RALGPS1: variants seen among roughly 807,000 people sequenced by gnomAD.
RALGPS1 encodes ras-specific guanine nucleotide-releasing factor RalGPS1.
RALGPS1 carries 19 observed loss-of-function variants against 78.8 expected under a neutral mutation model. The ratio of observed to expected loss-of-function variants is 0.24; its 90% confidence interval spans 0.17 to 0.35. The LOEUF (loss-of-function observed/expected upper bound fraction) is 0.35, where lower values mean the gene tolerates loss of function less well. Ranked by LOEUF, RALGPS1 falls within the 10% of genes least tolerant of loss-of-function variation. The probability of loss-of-function intolerance (pLI) is 1.00; values close to 1 mark genes in which losing one functional copy is unlikely to be tolerated. For missense variants in RALGPS1, 454 were observed against 688.3 expected (o/e 0.66, Z 3.81); for synonymous variants, 228 against 256.3 (o/e 0.89, Z 1.06).
chr9:127,142,805 A>G lies in RALGPS1; in HGVS notation c.611-23264A>G, dbSNP rs116174099. On this transcript the variant is annotated intron_variant, in intron 8 of 18. Coordinates refer to ENST00000259351, the MANE Select transcript of RALGPS1 (RefSeq NM_014636.3). ...CATTATACACAAATGTATACAAATT[A>G]TATACATTTGTGTGTGTATGTATGT... Among the ~76,000 whole-genome samples, 648 of 152,350 alleles carry G rather than the reference A, an allele frequency of 4.3e-3. 7 individuals are homozygous for G. The highest frequency in any genetic ancestry group is 0.015 in the African/African-American group (624 of 41,586).
chr9:127,180,572 G>A (rs2060149032), intron 11 of RALGPS1, among the ~76,000 whole-genome samples: 1 of 152,244 alleles, frequency 6.6e-6, no homozygotes, highest in Admixed American at 6.5e-5. Context: ...CTCTGGGGAA[G>A]TCCCCTTAGT....
At chr9:127,199,939 C>T (rs2061542335) in intron 14 of RALGPS1, among the ~76,000 whole-genome samples, 1 of 152,138 alleles carries the variant, frequency 6.6e-6, no homozygotes, top group African/African-American at 2.4e-5. Flanking sequence ...CATATACACA[C>T]ATGCCCTACA....
intron 4 of RALGPS1, among the ~76,000 whole-genome samples, chr9:126,999,206 T>A (rs1283148031): frequency 6.6e-6 from 1 of 152,050 alleles, no homozygotes; most frequent in African/African-American, 2.4e-5. Context: ...CTAGCAAAAT[T>A]GAACAGAAAG....
intron 1 of RALGPS1, among the ~76,000 whole-genome samples, chr9:126,919,232 T>C (rs2034504382): frequency 6.6e-6 from 1 of 152,192 alleles, no homozygotes; most frequent in African/African-American, 2.4e-5. Flanking sequence ...TTAATAAATG[T>C]TTTTGACTGA....
chr9:127,116,471 C>A (rs1314912230), intron 8 of RALGPS1, among the ~76,000 whole-genome samples: 1 of 152,166 alleles, frequency 6.6e-6, no homozygotes, highest in East Asian at 1.9e-4. Flanking sequence ...GGAGCCTTGG[C>A]CAACAGAGCA....
intron 8 of RALGPS1, among the ~76,000 whole-genome samples, chr9:127,160,434 G>C (rs1446158629): frequency 6.6e-6 from 1 of 152,172 alleles, no homozygotes; most frequent in African/African-American, 2.4e-5. Flanking sequence ...CTGGCCCTGG[G>C]GGTTTGCCTC....
At chr9:126,998,490 T>C (rs575284917) in intron 4 of RALGPS1, among the ~76,000 whole-genome samples, 6 of 152,276 alleles carry the variant, frequency 3.9e-5, no homozygotes, top group Non-Finnish European at 7.4e-5. Context: ...CCAGTTAGAA[T>C]GGCAATCATT....
chr9:127,097,797 G>T (rs1222645581), intron 8 of RALGPS1, among the ~76,000 whole-genome samples: 9 of 152,360 alleles, frequency 5.9e-5, no homozygotes. Context: ...GGAAGCGAGG[G>T]CTGGAGGGAG....
At chr9:127,180,849 T>C (rs2060168815) in intron 11 of RALGPS1, among the ~76,000 whole-genome samples, 1 of 152,244 alleles carries the variant, frequency 6.6e-6, no homozygotes, top group African/African-American at 2.4e-5. Flanking sequence ...GGAGCCATCT[T>C]CACTCACATG....
At chr9:126,922,078 G>A (rs2034823742) in intron 1 of RALGPS1, among the ~76,000 whole-genome samples, 1 of 152,216 alleles carries the variant, frequency 6.6e-6, no homozygotes, top group South Asian at 2.1e-4. Context: ...AAAGACATAG[G>A]GTACTGGTGA....
chr9:127,037,685 G>T (rs111434331), intron 5 of RALGPS1, among the ~76,000 whole-genome samples: 2 of 152,242 alleles, frequency 1.3e-5, no homozygotes, highest in African/African-American at 4.8e-5. Context: ...AGGATGGCTA[G>T]CAACAATTCC....
intron 4 of RALGPS1, among the ~76,000 whole-genome samples, chr9:127,034,092 A>G (rs2046652905): frequency 6.6e-6 from 1 of 152,226 alleles, no homozygotes; most frequent in South Asian, 2.1e-4. Context: ...TCTGCTGGTT[A>G]AAACATTTCT....
intron 12 of RALGPS1, 119 bp downstream of exon 12, chr9:127,195,336 T>A: frequency 7.4e-7 from 1 of 1,344,978 alleles, no homozygotes; most frequent in South Asian, 1.4e-5. Context: ...TGGGAGTTGC[T>A]GATGAGAGCT....
intron 8 of RALGPS1, among the ~76,000 whole-genome samples, chr9:127,096,538 G>C (rs1008213257): frequency 5.3e-5 from 8 of 152,222 alleles, no homozygotes; most frequent in Admixed American, 4.6e-4. Context: ...GCTGCTGGGA[G>C]AGTGGCAGTT....
intron 1 of RALGPS1, among the ~76,000 whole-genome samples, chr9:126,960,657 G>A (rs2038824440): frequency 6.6e-6 from 1 of 152,174 alleles, no homozygotes; most frequent in South Asian, 2.1e-4. Context: ...TACCTCCAAA[G>A]ACTGGAGCCA....
intron 3 of RALGPS1, among the ~76,000 whole-genome samples, chr9:126,972,043 C>G: frequency 6.6e-6 from 1 of 152,046 alleles, no homozygotes; most frequent in East Asian, 1.9e-4. Flanking sequence ...CTAAAAGAAC[C>G]CATGGCTTCC....
Position 127,221,766 on chromosome 9 carries a change from T to G in RALGPS1, c.*2997T>G, listed in dbSNP as rs1407788061. On this transcript the variant is annotated 3_prime_UTR_variant, in exon 19 of 19. Coordinates refer to ENST00000259351, the MANE Select transcript of RALGPS1 (RefSeq NM_014636.3). ...TTTTTTCTTACCAAGATGGCCAGTA[T>G]CATTTTACCCCCACCTCCCAAGCCC... The G allele has an allele frequency of 6.6e-6, 1 of 152,172 alleles. No individual in the cohort carries two copies. The highest frequency in any genetic ancestry group is 2.4e-5 in the African/African-American group (1 of 41,438). The allele number at this position is 152,172 out of a possible 1,614,324, so 9.4% of individuals were successfully genotyped here.
intron 4 of RALGPS1, among the ~76,000 whole-genome samples, chr9:126,979,239 TTA>T (rs982432415): frequency 3.3e-5 from 3 of 92,094 alleles, no homozygotes; most frequent in African/African-American, 7.3e-5. Context: ...TATTGTATTA[TTA>T]TGTGTGTGTG....
chr9:127,095,195 G>A (rs992082998), intron 8 of RALGPS1, among the ~76,000 whole-genome samples: 8 of 152,152 alleles, frequency 5.3e-5, no homozygotes, highest in African/African-American at 1.7e-4. Flanking sequence ...TCAGGAGATC[G>A]AGACCATCCT....
Sources: gnomAD v4.1 joint callset for allele counts (sites outside exome capture counted in the v4.1 genomes callset) on GRCh38, gnomAD v4.1.1 for gene constraint, MANE v1.5 for transcripts, NCBI Gene and HGNC (gene_info 2026-07-23, HGNC 2026-07-21) for gene names.